ANKS1A: variants seen among roughly 807,000 people sequenced by gnomAD.
ANKS1A encodes the protein ankyrin repeat and sterile alpha motif domain containing 1A, also known as ankyrin repeat and SAM domain-containing protein 1A.
ANKS1A carries 55 observed loss-of-function variants against 120.3 expected under a neutral mutation model. The observed-to-expected ratio is 0.46, with a 90% CI of 0.37 to 0.57. The LOEUF (loss-of-function observed/expected upper bound fraction) is 0.57. Among genes scored for constraint, ANKS1A ranks in the 20% least tolerant of loss-of-function variants. The pLI is 0.00. For missense variants in ANKS1A, 1,123 were observed against 1,480.3 expected (o/e 0.76, Z 3.96); for synonymous variants, 590 against 604.7 (o/e 0.98, Z 0.36).
chr6:35,094,440 GAAA>G (rs35902442), downstream of ANKS1A, among the ~76,000 whole-genome samples: 5 of 118,890 alleles, frequency 4.2e-5, no homozygotes, highest in Admixed American at 8.8e-5. Flanking sequence ...ACTTCGTCTG[GAAA>G]AAAAAAAAAA....
At chr6:35,019,499 A>G (rs1460449362) in intron 11 of ANKS1A, among the ~76,000 whole-genome samples, 1 of 152,188 alleles carries the variant, frequency 6.6e-6, no homozygotes, top group East Asian at 1.9e-4. Flanking sequence ...CTGATTAGGC[A>G]GAGACAGAGG....
chr6:35,069,990 G>A (rs1008569540), intron 13 of ANKS1A, among the ~76,000 whole-genome samples: 1 of 133,630 alleles, frequency 7.5e-6, no homozygotes, highest in Non-Finnish European at 1.5e-5. Context: ...TTGTGCCATT[G>A]CACTCCAGCC....
intron 23 of ANKS1A, among the ~76,000 whole-genome samples, chr6:35,087,348 C>A (rs1177292104): frequency 6.6e-6 from 1 of 152,218 alleles, no homozygotes; most frequent in African/African-American, 2.4e-5. Context: ...TTCTGTTGCA[C>A]CCTGGAAGCC....
intron 3 of ANKS1A, among the ~76,000 whole-genome samples, chr6:34,975,447 C>CA (rs11409155): frequency 0.69 from 96,443 of 140,662 alleles, 33,956 homozygotes; most frequent in Non-Finnish European, 0.8. Flanking sequence ...GAGTGAGACT[C>CA]AAAAAAAAAA....
chr6:34,944,716 G>T (rs940543262), intron 1 of ANKS1A, among the ~76,000 whole-genome samples: 1 of 152,060 alleles, frequency 6.6e-6, no homozygotes, highest in African/African-American at 2.4e-5. Flanking sequence ...GAATATGCAG[G>T]TTTTCCATCT....
chr6:35,008,352 G>A (rs1443611931), intron 10 of ANKS1A, among the ~76,000 whole-genome samples: 1 of 151,988 alleles, frequency 6.6e-6, no homozygotes, highest in Non-Finnish European at 1.5e-5. Flanking sequence ...TGAATAGCTA[G>A]ACTAAAGGCA....
chr6:34,983,527 G>T, intron 7 of ANKS1A, 102 bp downstream of exon 7: 1 of 986,334 alleles, frequency 1.0e-6, no homozygotes, highest in Non-Finnish European at 1.5e-6. Context: ...ATAATTTTGG[G>T]GGATTGTGAG....
intron 12 of ANKS1A, among the ~76,000 whole-genome samples, chr6:35,054,742 C>A (rs1776124617): frequency 6.6e-6 from 1 of 152,230 alleles, no homozygotes; most frequent in African/African-American, 2.4e-5. Context: ...GTGAGGCCAG[C>A]TTCTGTTCTC....
intron 13 of ANKS1A, among the ~76,000 whole-genome samples, chr6:35,069,776 C>T (rs1776984233): frequency 6.6e-6 from 1 of 151,752 alleles, no homozygotes; most frequent in Admixed American, 6.6e-5. Context: ...CCTGTAATCC[C>T]AGCACTTTGG....
chr6:34,902,601 T>C (rs899323414), intron 1 of ANKS1A, among the ~76,000 whole-genome samples: 6 of 152,154 alleles, frequency 3.9e-5, no homozygotes, highest in East Asian at 1.9e-4. Flanking sequence ...CCAGTACTTT[T>C]ACTAGATATG....
chr6:35,040,775 C>T (rs1775417374), intron 11 of ANKS1A, among the ~76,000 whole-genome samples: 1 of 152,220 alleles, frequency 6.6e-6, no homozygotes, highest in African/African-American at 2.4e-5. Flanking sequence ...CTTTGAAGCC[C>T]AGCCTGGGAC....
chr6:35,023,681 A>G, intron 11 of ANKS1A: 1 of 414,690 alleles, frequency 2.4e-6, no homozygotes, highest in Non-Finnish European at 4.7e-6. Flanking sequence ...CAGGCTCTAA[A>G]GGAAAGGGTA....
rs1300253565 is a variant in ANKS1A, at chr6:35,086,394, G to A, written c.3303+458G>A. Reference sequence around the variant, plus strand: ...GTCTTTACGCCTCCTGCTGTCTTGTGTGTCAGTCTCCCCGAAGTGACCGTG... The same window carrying A: ...GTCTTTACGCCTCCTGCTGTCTTGTATGTCAGTCTCCCCGAAGTGACCGTG... On this transcript the variant is annotated intron_variant, in intron 22 of 23. Transcript: ENST00000360359. This position sits in a 1 kb window ranked among gnomAD's most constrained non-coding sequence, Gnocchi z 5.1. 3.9e-6 allele frequency: 5 copies of A among 1,288,682 alleles called. No individual in the cohort carries two copies. Among genetic ancestry groups the A allele is most frequent in the African/African-American group, 3.0e-5 (2 of 65,936 alleles). 79.8% of individuals were successfully genotyped at this position (1,288,682 alleles called of 1,614,324 possible).
intron 1 of ANKS1A, among the ~76,000 whole-genome samples, chr6:34,902,810 A>T (rs1355110978): frequency 6.6e-6 from 1 of 151,960 alleles, no homozygotes; most frequent in African/African-American, 2.4e-5. Context: ...CTCAAAAAAA[A>T]AAAAAAAAAG....
At chr6:34,927,055 C>A (rs890914046) in intron 1 of ANKS1A, among the ~76,000 whole-genome samples, 3 of 152,142 alleles carry the variant, frequency 2.0e-5, no homozygotes, top group Non-Finnish European at 4.4e-5. Context: ...GAGAATAATT[C>A]CATCAGATAG....
intron 10 of ANKS1A, among the ~76,000 whole-genome samples, chr6:35,005,329 C>T (rs1773393762): frequency 6.6e-6 from 1 of 152,166 alleles, no homozygotes; most frequent in Non-Finnish European, 1.5e-5. Flanking sequence ...AACTGAGCAA[C>T]TTACCTTATT....
At position 35,022,426 on chromosome 6, in the gene ANKS1A, G is replaced by C. The variant is rs117885819; in HGVS notation, c.2010+4367G>C. 5.8e-4 allele frequency among the ~76,000 whole-genome samples: 88 copies of C among 152,296 alleles called. No individual in the cohort carries two copies. The East Asian group carries it at 0.013, about 23-fold the overall frequency. ...TAATGCAGCCCTGTTGAACTACCCT[G>C]AGCAACATGACTTCTGAAAGATGGC... On this transcript the variant is annotated intron_variant, in intron 11 of 23. Transcript: ENST00000360359.
rs377022879 is a variant in ANKS1A, at chr6:34,962,148, G to C, written c.198-5091G>C. Among the ~76,000 whole-genome samples, 408 of 152,254 alleles carry C rather than the reference G, an allele frequency of 2.7e-3. 2 individuals are homozygous for C. The highest frequency in any genetic ancestry group is 9.0e-3 in the African/African-American group (374 of 41,558). ...GCATAGTCATATACTTTTTGGTTTG[G>C]AAAATGAGGTCATTGTACAAATGTG... is the stretch of plus-strand genomic sequence containing the variant. On this transcript the variant is annotated intron_variant, in intron 1 of 23. Coordinates refer to ENST00000360359, the MANE Select transcript of ANKS1A (RefSeq NM_015245.3).
At chr6:34,926,096 A>C (rs1768702253) in intron 1 of ANKS1A, among the ~76,000 whole-genome samples, 1 of 152,182 alleles carries the variant, frequency 6.6e-6, no homozygotes, top group South Asian at 2.1e-4. Flanking sequence ...ATGTGAAGTA[A>C]AATTATAACT....
Sources: allele counts gnomAD v4.1 joint callset (sites outside exome capture counted in the v4.1 genomes callset), GRCh38; gene constraint gnomAD v4.1.1; non-coding constraint Gnocchi (gnomAD v3.1); transcripts MANE v1.5; gene names NCBI Gene and HGNC (gene_info 2026-07-23, HGNC 2026-07-21).